The following LRP1B variants were observed in gnomAD, a reference collection of about 807,000 sequenced individuals.
LRP1B encodes low-density lipoprotein receptor-related protein 1B.
A neutral mutation model predicts 556.6 loss-of-function variants in LRP1B; 217 were observed. That is an observed-to-expected ratio of 0.39 (90% CI 0.35 to 0.44). LRP1B has a LOEUF of 0.44. LRP1B is among the 20% of genes least tolerant of loss of function. The pLI is 1.00. For missense variants in LRP1B, 5,053 were observed against 5,620.8 expected, an observed-to-expected ratio of 0.90 and a Z score of 3.23; for synonymous variants, 2,047 against 1,865.8, an observed-to-expected ratio of 1.10 and a Z score of -2.50.
chr2:141,141,839 T>C (rs1468642005), intron 7 of LRP1B, among the ~76,000 whole-genome samples: 1 of 152,188 alleles, frequency 6.6e-6, no homozygotes, highest in African/African-American at 2.4e-5. Flanking sequence ...AATCTGTATG[T>C]GAAAAAATAG....
intron 2 of LRP1B, among the ~76,000 whole-genome samples, chr2:141,553,827 GTATATAATATATCTATATTAATATAGT>G (rs1685849491): frequency 7.8e-6 from 1 of 128,682 alleles, no homozygotes; most frequent in African/African-American, 2.9e-5. Flanking sequence ...ATAGATATAG[GTATATAATATATCTATATTAATATAGT>G]TATATAATAT....
intron 43 of LRP1B, among the ~76,000 whole-genome samples, chr2:140,590,328 T>C (rs927655376): frequency 2.8e-5 from 4 of 142,202 alleles, no homozygotes; most frequent in African/African-American, 9.9e-5. Context: ...ATATAATGTA[T>C]ACAAATGTGT....
chr2:142,071,493 G>T (rs1396815740), intron 1 of LRP1B, among the ~76,000 whole-genome samples: 2 of 151,852 alleles, frequency 1.3e-5, no homozygotes, highest in Non-Finnish European at 2.9e-5. Context: ...AAAAAAATTA[G>T]AAATCAAAGG....
intron 1 of LRP1B, among the ~76,000 whole-genome samples, chr2:141,937,416 A>G (rs1700668439): frequency 6.6e-6 from 1 of 151,452 alleles, no homozygotes; most frequent in East Asian, 1.9e-4. Flanking sequence ...AATAAAAAAT[A>G]AAAATATAAC....
intron 1 of LRP1B, among the ~76,000 whole-genome samples, chr2:141,844,715 A>C (rs1697586031): frequency 6.6e-6 from 1 of 152,078 alleles, no homozygotes; most frequent in South Asian, 2.1e-4. Flanking sequence ...ATCAGTTCAG[A>C]TATCATAGGA....
At chr2:141,372,175 T>C (rs1689251276) in intron 3 of LRP1B, among the ~76,000 whole-genome samples, 1 of 152,144 alleles carries the variant, frequency 6.6e-6, no homozygotes. Context: ...GTTCATGTGA[T>C]GTATCAAATT....
At chr2:141,282,068 G>A (rs1685529193) in intron 3 of LRP1B, among the ~76,000 whole-genome samples, 1 of 152,058 alleles carries the variant, frequency 6.6e-6, no homozygotes, top group South Asian at 2.1e-4. Context: ...GTATGTCATA[G>A]TGCCTGTACA....
intron 21 of LRP1B, among the ~76,000 whole-genome samples, chr2:140,916,928 A>AG (rs1429184049): frequency 1.3e-5 from 2 of 152,338 alleles, no homozygotes; most frequent in Non-Finnish European, 2.9e-5. Flanking sequence ...GTAATCACAG[A>AG]GAAGTGTACA....
At chr2:141,576,820 T>C (rs1686769565) in intron 2 of LRP1B, among the ~76,000 whole-genome samples, 2 of 149,780 alleles carry the variant, frequency 1.3e-5, no homozygotes, top group African/African-American at 5.0e-5. Flanking sequence ...TCTTTTCTTT[T>C]TTTTTTTTAA....
At chr2:140,719,815 A>G (rs1309854412) in intron 35 of LRP1B, among the ~76,000 whole-genome samples, 1 of 152,074 alleles carries the variant, frequency 6.6e-6, no homozygotes, top group South Asian at 2.1e-4. Context: ...GAGAACCAAG[A>G]GTATAGAAGA....
intron 2 of LRP1B, among the ~76,000 whole-genome samples, chr2:141,778,634 T>C (rs1313730719): frequency 1.3e-5 from 2 of 152,208 alleles, no homozygotes; most frequent in Non-Finnish European, 1.5e-5. Context: ...GTGTAATACG[T>C]TTCAAAACAA....
chr2:141,557,357 A>T (rs560557914), intron 2 of LRP1B, among the ~76,000 whole-genome samples: 28 of 152,036 alleles, frequency 1.8e-4, no homozygotes, highest in African/African-American at 6.5e-4. Flanking sequence ...ATAAACCACC[A>T]TTTCAGTGTG....
intron 2 of LRP1B, among the ~76,000 whole-genome samples, chr2:141,762,674 T>G (rs1694599730): frequency 6.6e-6 from 1 of 152,176 alleles, no homozygotes; most frequent in South Asian, 2.1e-4. Context: ...CAGGTGAGAT[T>G]GTATGTATAC....
intron 6 of LRP1B, among the ~76,000 whole-genome samples, chr2:141,204,156 C>A (rs1682165180): frequency 1.3e-5 from 2 of 152,128 alleles, no homozygotes; most frequent in Non-Finnish European, 2.9e-5. Context: ...ATATTAAACT[C>A]ACTTGATTTG....
intron 11 of LRP1B, among the ~76,000 whole-genome samples, chr2:141,048,460 T>C (rs1698943101): frequency 6.6e-6 from 1 of 152,152 alleles, no homozygotes; most frequent in South Asian, 2.1e-4. Context: ...TAAAAATAGA[T>C]ATAAATGTTT....
chr2:141,001,363 C>T (rs1373313337), intron 15 of LRP1B, among the ~76,000 whole-genome samples: 1 of 151,894 alleles, frequency 6.6e-6, no homozygotes, highest in Non-Finnish European at 1.5e-5. Context: ...GGTACATGTG[C>T]ACAACGTGCA....
chr2:141,454,719 A>G (rs772380005), intron 3 of LRP1B, among the ~76,000 whole-genome samples: 1 of 152,180 alleles, frequency 6.6e-6, no homozygotes, highest in Non-Finnish European at 1.5e-5. Context: ...TTCTTTCGTG[A>G]AGGTCAGTTC....
chr2:141,481,888 T>C (rs958385337), intron 2 of LRP1B, among the ~76,000 whole-genome samples: 4 of 152,152 alleles, frequency 2.6e-5, no homozygotes, highest in East Asian at 1.9e-4. Flanking sequence ...GGTGTTATCA[T>C]AGTTAAGTAA....
intron 6 of LRP1B, among the ~76,000 whole-genome samples, chr2:141,206,804 G>C (rs1255252209): frequency 1.3e-5 from 2 of 152,090 alleles, no homozygotes; most frequent in African/African-American, 4.8e-5. Context: ...TGAGAGTGAG[G>C]CTATCTTCCT....
Sources: allele counts gnomAD v4.1 joint callset (sites outside exome capture counted in the v4.1 genomes callset), GRCh38; gene constraint gnomAD v4.1.1; transcripts MANE v1.5; gene names NCBI Gene and HGNC (gene_info 2026-07-23, HGNC 2026-07-21).